CRK: variants seen among roughly 807,000 people sequenced by gnomAD.
CRK encodes the protein adapter molecule crk.
CRK carries 4 observed loss-of-function variants against 29.8 expected under a neutral mutation model. The ratio of observed to expected loss-of-function variants is 0.13; its 90% CI spans 0.07 to 0.31. CRK has a LOEUF of 0.31. Among genes scored for constraint, CRK ranks in the 10% least tolerant of loss-of-function variants. The pLI is 1.00. For synonymous variants in CRK, 153 were observed against 164.9 expected, an observed-to-expected ratio of 0.93 and a Z score of 0.55; for missense variants, 274 against 396.5, an observed-to-expected ratio of 0.69 and a Z score of 2.62.
chr17:1,423,177 G>GT lies in CRK; in HGVS notation c.*335dup, dbSNP rs1235528828. The GT allele has an allele frequency of 1.4e-5, 7 of 490,578 alleles. No individual in the cohort carries two copies. Among genetic ancestry groups the GT allele is most frequent in the African/African-American group, 9.9e-5 (5 of 50,520 alleles). 30.4% of individuals were successfully genotyped at this position (490,578 alleles called of 1,614,324 possible). On this transcript the variant is annotated 3_prime_UTR_variant, in exon 3 of 3. Coordinates refer to ENST00000300574, the MANE Select transcript of CRK (RefSeq NM_016823.4). ...CTGAATAAATCAGGGTAAGCAGTGT[G>GT]TAACACTCCTTCCTGTCCATCGGTT...
At chr17:1,434,023 A>G (rs985297722) in intron 2 of CRK, among the ~76,000 whole-genome samples, 1 of 152,062 alleles carries the variant, frequency 6.6e-6, no homozygotes. Flanking sequence ...TTGTTTTTGC[A>G]GCTTTATTGG....
In CRK at chr17:1,432,567, G is replaced by A. The variant is rs184692889; in HGVS notation, c.777+4053C>T. On this transcript the variant is annotated intron_variant, in intron 2 of 2. Coordinates refer to ENST00000300574, the MANE Select transcript of CRK (RefSeq NM_016823.4). ...CGAAGGCAGGTGGATCACGAGGTCA[G>A]GAGGTCGAGACCATCCTGGCTAACA... Among the ~76,000 whole-genome samples, 786 of 150,890 alleles carry A rather than the reference G, an allele frequency of 5.2e-3. 4 individuals carry two copies. The highest frequency in any genetic ancestry group is 8.4e-3 in the Non-Finnish European group (572 of 67,856).
chr17:1,442,856 C>T (rs1342664867), intron 1 of CRK, among the ~76,000 whole-genome samples: 8 of 151,784 alleles, frequency 5.3e-5, no homozygotes, highest in Non-Finnish European at 7.4e-5. Flanking sequence ...ATCTGACCGC[C>T]TTGGCCTCCA....
At chr17:1,447,965 C>T (rs2073987771) in intron 1 of CRK, among the ~76,000 whole-genome samples, 1 of 152,050 alleles carries the variant, frequency 6.6e-6, no homozygotes, top group Non-Finnish European at 1.5e-5. Flanking sequence ...TCCTTCTCTG[C>T]CTGTGGTATT....
intron 1 of CRK, among the ~76,000 whole-genome samples, chr17:1,450,491 GAC>G (rs1033308261): frequency 2.7e-5 from 4 of 150,828 alleles, no homozygotes; most frequent in African/African-American, 9.7e-5. Flanking sequence ...CGGCGTGGGC[GAC>G]AGAGCGAGAT....
chr17:1,428,452 T>C (rs929524121), intron 2 of CRK, among the ~76,000 whole-genome samples: 1 of 151,356 alleles, frequency 6.6e-6, no homozygotes, highest in African/African-American at 2.4e-5. Flanking sequence ...TGAGTAGGGA[T>C]TTCTATGAGG....
In CRK at chr17:1,421,219, G is replaced by A. The variant is rs1023625678; in HGVS notation, c.*2294C>T. On this transcript the variant is annotated 3_prime_UTR_variant, in exon 3 of 3. Coordinates refer to ENST00000300574, the MANE Select transcript of CRK (RefSeq NM_016823.4). ...GATCACTGAGGAATCCTTAGGACTT[G>A]AGTAGCGCTGCCTGTTCCACTGATA... The A allele has an allele frequency of 4.6e-5, 7 of 152,188 alleles. No homozygotes were observed. Among genetic ancestry groups the A allele is most frequent in the Non-Finnish European group, 1.0e-4 (7 of 68,048 alleles). 9.4% of individuals were successfully genotyped at this position (152,188 alleles called of 1,614,324 possible).
chr17:1,443,785 T>C (rs1011858968), intron 1 of CRK, among the ~76,000 whole-genome samples: 45 of 150,848 alleles, frequency 3.0e-4, no homozygotes, highest in Admixed American at 8.7e-4. Flanking sequence ...ATGCAACCTC[T>C]GCCTCCTGGG....
chr17:1,420,785 ATTTT>A lies in CRK; in HGVS notation c.*2724_*2727del, dbSNP rs921467722. On this transcript the variant is annotated 3_prime_UTR_variant, in exon 3 of 3. Coordinates refer to ENST00000300574, the MANE Select transcript of CRK (RefSeq NM_016823.4). ...TATACAATACATGCTACCAAAAAAA[ATTTT>A]TTTTTAAATTTAACTGTCAAGAAAG... is the stretch of plus-strand genomic sequence containing the variant. The A allele has an allele frequency of 6.6e-6, 1 of 151,814 alleles. No individual in the cohort carries two copies. The highest frequency in any genetic ancestry group is 2.4e-5 in the African/African-American group (1 of 41,320). 9.4% of individuals were successfully genotyped at this position (151,814 alleles called of 1,614,324 possible). A position where few individuals can be genotyped will look rare whatever the true frequency, so the allele number is the denominator to read the frequency against.
intron 2 of CRK, among the ~76,000 whole-genome samples, chr17:1,433,832 T>G (rs1343097207): frequency 2.0e-5 from 3 of 150,320 alleles, no homozygotes; most frequent in African/African-American, 7.3e-5. Flanking sequence ...ATGGTTTTTT[T>G]TTTTTTTTTT....
intron 2 of CRK, among the ~76,000 whole-genome samples, chr17:1,431,478 T>C (rs904106593): frequency 1.3e-5 from 2 of 151,982 alleles, no homozygotes; most frequent in African/African-American, 4.8e-5. Flanking sequence ...TCTCAGCACT[T>C]TGGGAGGCAG....
At chr17:1,448,560 T>A (rs1291557370) in intron 1 of CRK, among the ~76,000 whole-genome samples, 2 of 142,178 alleles carry the variant, frequency 1.4e-5, no homozygotes, top group Non-Finnish European at 3.0e-5. Context: ...GAGGCAGAGC[T>A]TGCAGTGAGC....
chr17:1,441,472 G>T (rs1257841398), intron 1 of CRK, among the ~76,000 whole-genome samples: 1 of 152,004 alleles, frequency 6.6e-6, no homozygotes, highest in East Asian at 1.9e-4. Flanking sequence ...GGGACTAAAG[G>T]TGCGGGTGGC....
intron 1 of CRK, among the ~76,000 whole-genome samples, chr17:1,446,523 G>C (rs777193802): frequency 3.6e-4 from 55 of 151,878 alleles, no homozygotes; most frequent in Middle Eastern, 6.8e-3. Context: ...CTGGCGCAAA[G>C]GTAGGAAGCA....
In CRK at chr17:1,424,067, G is replaced by GTTTTTT. The variant is rs58338503; in HGVS notation, c.778-423_778-418dup. On this transcript the variant is annotated intron_variant, in intron 2 of 2. Transcript: ENST00000300574. The stretch of plus-strand genomic sequence containing the variant: ...TGTCCGAGGAGAAGCAGCTTTCTCC[G>GTTTTTT]TTTTTTTTTTTTTTTTTTTTTGAGA... Among the ~76,000 whole-genome samples the GTTTTTT allele has an allele frequency of 1.2e-4, 13 of 109,824 alleles. 1 individual carries two copies. The highest frequency in any genetic ancestry group is 1.2e-4 in the Non-Finnish European group (7 of 56,294). 72.0% of individuals were successfully genotyped at this position (109,824 alleles called of 152,430 possible).
intron 1 of CRK, among the ~76,000 whole-genome samples, chr17:1,443,363 C>A (rs2073949735): frequency 1.3e-5 from 2 of 152,036 alleles, no homozygotes; most frequent in Non-Finnish European, 2.9e-5. Flanking sequence ...AGCCACCCAC[C>A]AACACACAGC....
chr17:1,453,607 T>A (rs2074034949), intron 1 of CRK, among the ~76,000 whole-genome samples: 1 of 152,204 alleles, frequency 6.6e-6, no homozygotes, highest in African/African-American at 2.4e-5. Context: ...TACTCATTTT[T>A]AAAAAATGGT....
chr17:1,444,282 C>T (rs2073956871), intron 1 of CRK, among the ~76,000 whole-genome samples: 1 of 152,100 alleles, frequency 6.6e-6, no homozygotes, highest in Admixed American at 6.6e-5. Context: ...CATAGGTGTG[C>T]ACCACCACGC....
chr17:1,456,225 C>A lies in CRK; in HGVS notation c.-108G>T. On this transcript the variant is annotated 5_prime_UTR_variant, in exon 1 of 3. Transcript: ENST00000300574. ...CTCCGGTTTCAGCTTCACAGCAGCG[C>A]CCGAAATGGCGGCGGCAGCCGCGGG... The A allele has an allele frequency of 1.6e-6, 2 of 1,286,012 alleles. No individual in the cohort carries two copies. The highest frequency in any genetic ancestry group is 4.8e-5 in the South Asian group (2 of 41,974). The allele number at this position is 1,286,012 out of a possible 1,614,324, so 79.7% of individuals were successfully genotyped here.
Sources: allele counts gnomAD v4.1 joint callset (sites outside exome capture counted in the v4.1 genomes callset), GRCh38; gene constraint gnomAD v4.1.1; transcripts MANE v1.5; gene names NCBI Gene and HGNC (gene_info 2026-07-23, HGNC 2026-07-21).